Variants in LTBP1 observed in about 807,000 individuals in gnomAD.
LTBP1 encodes latent-transforming growth factor beta-binding protein 1.
LTBP1 carries 129 observed loss-of-function variants against 207.6 expected under a neutral mutation model. The observed-to-expected ratio is 0.62, with a 90% CI of 0.54 to 0.72. LTBP1 has a LOEUF of 0.72. Among genes scored for constraint, LTBP1 ranks in the 30% least tolerant of loss-of-function variants. The probability of loss-of-function intolerance (pLI) is 0.00; values close to 1 mark genes in which losing one functional copy is unlikely to be tolerated. For synonymous variants in LTBP1, 963 were observed against 833.7 expected (o/e 1.16, Z -2.67); for missense variants, 2,281 against 2,217.2 (o/e 1.03, Z -0.58).
chr2:33,263,824 G>A (rs537525810), intron 15 of LTBP1, among the ~76,000 whole-genome samples: 331 of 151,956 alleles, frequency 2.2e-3, no homozygotes, highest in Admixed American at 3.6e-3. Context: ...GTGGTGGTGC[G>A]CACCTGTAGT....
At chr2:33,115,888 T>C (rs1572700894) in intron 4 of LTBP1, among the ~76,000 whole-genome samples, 1 of 152,142 alleles carries the variant, frequency 6.6e-6, no homozygotes, top group African/African-American at 2.4e-5. Flanking sequence ...AAAAAGTCCT[T>C]GAGGGTATAA....
intron 19 of LTBP1, among the ~76,000 whole-genome samples, chr2:33,280,718 G>T (rs1295665040): frequency 1.3e-5 from 2 of 152,160 alleles, no homozygotes; most frequent in African/African-American, 2.4e-5. Context: ...CTCTGAATAT[G>T]TGAGTTAAAC....
At chr2:33,214,387 C>T (rs2090531085) in intron 7 of LTBP1, among the ~76,000 whole-genome samples, 1 of 152,194 alleles carries the variant, frequency 6.6e-6, no homozygotes, top group South Asian at 2.1e-4. Flanking sequence ...TGCCTGTCTT[C>T]TCTAAGGTTC....
At chr2:33,090,033 T>C (rs1213382056) in intron 3 of LTBP1, among the ~76,000 whole-genome samples, 1 of 152,248 alleles carries the variant, frequency 6.6e-6, no homozygotes, top group East Asian at 1.9e-4. Context: ...TGATGTTACG[T>C]GTTTTATATA....
At chr2:33,096,579 A>T (rs368860911) in intron 3 of LTBP1, among the ~76,000 whole-genome samples, 3 of 152,156 alleles carry the variant, frequency 2.0e-5, no homozygotes, top group African/African-American at 7.2e-5. Flanking sequence ...TGGCAATTTT[A>T]ATGGTGCTTT....
At chr2:33,164,070 G>T (rs1213208865) in intron 5 of LTBP1, among the ~76,000 whole-genome samples, 1 of 151,868 alleles carries the variant, frequency 6.6e-6, no homozygotes, top group African/African-American at 2.4e-5. Context: ...AGAATAATGG[G>T]CCGGGTGCAG....
intron 3 of LTBP1, among the ~76,000 whole-genome samples, chr2:33,082,432 CTTTTTTTTTTTTTTTT>C (rs56058653): frequency 3.4e-4 from 10 of 29,322 alleles, no homozygotes; most frequent in South Asian, 1.1e-3. Flanking sequence ...GTATGACTCA[CTTTTTTTTTTTTTTTT>C]TTTTTTTTTT....
At chr2:33,219,650 G>A (rs2090964496) in intron 8 of LTBP1, among the ~76,000 whole-genome samples, 1 of 152,050 alleles carries the variant, frequency 6.6e-6, no homozygotes, top group Non-Finnish European at 1.5e-5. Context: ...GATGAGGGAA[G>A]TTAGGTTCAT....
chr2:33,278,368 G>A (rs1298949563), intron 18 of LTBP1, among the ~76,000 whole-genome samples: 4 of 152,116 alleles, frequency 2.6e-5, no homozygotes, highest in African/African-American at 9.7e-5. Context: ...AAAAGAAGAA[G>A]GAGCCAAGAA....
chr2:33,196,255 T>G (rs2088552497), intron 7 of LTBP1, among the ~76,000 whole-genome samples: 2 of 152,166 alleles, frequency 1.3e-5, no homozygotes, highest in Non-Finnish European at 2.9e-5. Context: ...CATATGCAGG[T>G]GATCATTGTA....
chr2:33,300,240 A>T (rs1269538784), intron 20 of LTBP1, among the ~76,000 whole-genome samples: 1 of 152,102 alleles, frequency 6.6e-6, no homozygotes, highest in Non-Finnish European at 1.5e-5. Context: ...TTATTGATTT[A>T]TTGTCTATTT....
chr2:33,287,160 A>G (rs1275810957), intron 19 of LTBP1, among the ~76,000 whole-genome samples: 1 of 152,228 alleles, frequency 6.6e-6, no homozygotes, highest in Non-Finnish European at 1.5e-5. Context: ...GGGAACATTA[A>G]TTATTATAAC....
chr2:33,084,623 ACT>A (rs2078644326), intron 3 of LTBP1, among the ~76,000 whole-genome samples: 1 of 151,958 alleles, frequency 6.6e-6, no homozygotes. Context: ...ACCACATCCC[ACT>A]CTCTGGAAAC....
intron 5 of LTBP1, among the ~76,000 whole-genome samples, chr2:33,183,574 G>A (rs1405169959): frequency 6.6e-6 from 1 of 152,122 alleles, no homozygotes; most frequent in African/African-American, 2.4e-5. Flanking sequence ...TCGGGGGACT[G>A]GTATTATTTA....
intron 2 of LTBP1, among the ~76,000 whole-genome samples, chr2:32,969,294 T>C (rs1431346610): frequency 6.6e-6 from 1 of 151,610 alleles, no homozygotes; most frequent in Non-Finnish European, 1.5e-5. Context: ...AAGTTTTATT[T>C]TCATTTCAGG....
At chr2:33,383,180 C>T (rs1422042201) in intron 31 of LTBP1, among the ~76,000 whole-genome samples, 1 of 152,200 alleles carries the variant, frequency 6.6e-6, no homozygotes, top group Admixed American at 6.5e-5. Flanking sequence ...ATACTGAAAC[C>T]CCGTCTCTAC....
intron 3 of LTBP1, among the ~76,000 whole-genome samples, chr2:33,083,815 G>C (rs1356112978): frequency 6.6e-6 from 1 of 152,164 alleles, no homozygotes; most frequent in Non-Finnish European, 1.5e-5. Flanking sequence ...GACTGAAAAA[G>C]GAAGTTACAG....
At chr2:33,186,739 G>T in intron 5 of LTBP1, 117 bp from the exon 6 acceptor site, 1 of 728,384 alleles carries the variant, frequency 1.4e-6, no homozygotes. Context: ...CATTTCTAAA[G>T]GTCATGGGAC....
At chr2:33,211,410 T>C (rs970328719) in intron 7 of LTBP1, among the ~76,000 whole-genome samples, 2 of 152,218 alleles carry the variant, frequency 1.3e-5, no homozygotes, top group African/African-American at 2.4e-5. Flanking sequence ...TGCCCTTTTC[T>C]AATCCCCACA....
Sources: allele counts gnomAD v4.1 joint callset (sites outside exome capture counted in the v4.1 genomes callset), GRCh38; gene constraint gnomAD v4.1.1; transcripts MANE v1.5; gene names NCBI Gene and HGNC (gene_info 2026-07-23, HGNC 2026-07-21).